The following PCDHA10 variants were observed in gnomAD, a reference collection of about 807,000 sequenced individuals.
The protein encoded by PCDHA10 is protocadherin alpha 10.
PCDHA10 carries 45 observed loss-of-function variants against 61.2 expected under a neutral mutation model. That is an observed-to-expected ratio of 0.74 (90% CI 0.58 to 0.94). The LOEUF (loss-of-function observed/expected upper bound fraction) is 0.94, where lower values mean the gene tolerates loss of function less well. Among genes scored for constraint, PCDHA10 ranks in the 40% least tolerant of loss-of-function variants. The probability of loss-of-function intolerance (pLI) is 0.00; values close to 1 mark genes in which losing one functional copy is unlikely to be tolerated. For synonymous variants in PCDHA10, 602 were observed against 548.8 expected, an observed-to-expected ratio of 1.10 and a Z score of -1.35; for missense variants, 1,278 against 1,236.2, an observed-to-expected ratio of 1.03 and a Z score of -0.51.
Position 140,858,605 on chromosome 5 carries a change from T to A in PCDHA10, c.2388+169T>A, listed in dbSNP as rs553423419. On this transcript the variant is annotated intron_variant, in intron 1 of 3. Coordinates refer to ENST00000307360, the MANE Select transcript of PCDHA10 (RefSeq NM_018901.4). ...ATAATTTATTCCAGGAGTTTTAAAA[T>A]TTTTTTATCCTACCCAGTGTGTCAG... 1.7e-5 allele frequency: 21 copies of A among 1,265,750 alleles called. 2 individuals are homozygous for A. Among genetic ancestry groups the A allele is most frequent in the African/African-American group, 1.5e-4 (10 of 66,840 alleles). 78.4% of individuals were successfully genotyped at this position (1,265,750 alleles called of 1,614,324 possible).
chr5:140,883,530 A>G, intron 1 of PCDHA10: 1 of 1,614,156 alleles, frequency 6.2e-7, no homozygotes. Flanking sequence ...GTATCAGCCT[A>G]TGAACTGGTG....
intron 1 of PCDHA10, among the ~76,000 whole-genome samples, chr5:140,954,686 G>T (rs962904413): frequency 6.6e-6 from 1 of 152,024 alleles, no homozygotes; most frequent in African/African-American, 2.4e-5. Context: ...TTGTCAGATG[G>T]ATAGACTACA....
intron 1 of PCDHA10, among the ~76,000 whole-genome samples, chr5:140,959,348 G>C (rs991931151): frequency 1.3e-5 from 2 of 152,110 alleles, no homozygotes; most frequent in Admixed American, 6.5e-5. Flanking sequence ...GCACTCCAGC[G>C]GGACAACTGA....
At chr5:140,872,652 T>C (rs1185435042) in intron 1 of PCDHA10, among the ~76,000 whole-genome samples, 2 of 152,142 alleles carry the variant, frequency 1.3e-5, no homozygotes, top group Non-Finnish European at 2.9e-5. Context: ...AGGCAAGAGA[T>C]TTGTCAACTA....
intron 1 of PCDHA10, chr5:140,862,689 C>A: frequency 7.2e-6 from 4 of 554,298 alleles, no homozygotes; most frequent in South Asian, 4.1e-5. Context: ...TGGTGTCCTA[C>A]TCGTTGATGG....
intron 1 of PCDHA10, chr5:140,875,466 T>A (rs782683106): frequency 2.4e-5 from 39 of 1,599,908 alleles, no homozygotes; most frequent in Admixed American, 1.2e-4. Flanking sequence ...GGCCCTCATT[T>A]TCTGCAATGG....
chr5:140,926,682 C>T, intron 1 of PCDHA10: 1 of 656,722 alleles, frequency 1.5e-6, no homozygotes, highest in Non-Finnish European at 2.3e-6. Context: ...CAGCCTCCAG[C>T]CTAGCAAGCC....
intron 1 of PCDHA10, chr5:140,870,101 G>C (rs1345689033): frequency 3.1e-6 from 5 of 1,613,914 alleles, no homozygotes; most frequent in Non-Finnish European, 4.2e-6. Context: ...GCAGGTCACT[G>C]TACAGTCTGG....
intron 1 of PCDHA10, among the ~76,000 whole-genome samples, chr5:140,941,369 T>C (rs2093052615): frequency 6.8e-6 from 1 of 147,356 alleles, no homozygotes; most frequent in Non-Finnish European, 1.5e-5. Context: ...TAGGCTGGAG[T>C]GTAGTGACAG....
At chr5:140,948,237 T>C (rs532703710) in intron 1 of PCDHA10, among the ~76,000 whole-genome samples, 1 of 151,810 alleles carries the variant, frequency 6.6e-6, no homozygotes, top group South Asian at 2.1e-4. Flanking sequence ...ACTTGTATTT[T>C]AGTAAATATT....
chr5:140,871,567 AT>A (rs1441824086), intron 1 of PCDHA10: 5 of 1,483,054 alleles, frequency 3.4e-6, no homozygotes, highest in African/African-American at 1.4e-5. Context: ...TTTTTCACGG[AT>A]TTTTTAAGGG....
At chr5:140,970,384 C>T (rs2096401322) in intron 1 of PCDHA10, among the ~76,000 whole-genome samples, 1 of 152,104 alleles carries the variant, frequency 6.6e-6, no homozygotes, top group Admixed American at 6.5e-5. Flanking sequence ...AAAAGGCTGG[C>T]TTGGAAAGTG....
chr5:140,979,020 C>T lies in PCDHA10; in HGVS notation c.2447+13C>T. The T allele has an allele frequency of 6.2e-7, 1 of 1,613,708 alleles. No individual in the cohort carries two copies. Among genetic ancestry groups the T allele is most frequent in the Non-Finnish European group, 8.5e-7 (1 of 1,179,840 alleles). On this transcript the variant is annotated intron_variant, in intron 2 of 3. Transcript: ENST00000307360. ...CAGGCATGCACAGGTATGTATTTCC[C>T]TCCTCATTCACTCAGAAGTAACCTT...
chr5:140,988,445 A>G (rs1554250148), intron 3 of PCDHA10, among the ~76,000 whole-genome samples: 2 of 152,168 alleles, frequency 1.3e-5, no homozygotes, highest in African/African-American at 2.4e-5. Context: ...ATTGACCTGA[A>G]GGGAGGAAGC....
chr5:140,882,020 C>CA, intron 1 of PCDHA10: 1 of 561,726 alleles, frequency 1.8e-6, no homozygotes, highest in East Asian at 3.1e-5. Context: ...AATACTACAT[C>CA]AATGGAAAAT....
In PCDHA10 at chr5:140,856,393, T is replaced by A; in HGVS notation, c.345T>A (p.Val115=). The change falls in exon 1 of 4, where the codon GTT becomes GTA. Residue 115 remains valine, a synonymous_variant. Coordinates refer to ENST00000307360, the MANE Select transcript of PCDHA10 (RefSeq NM_018901.4). ...TGATCGTGGACAGGCCGCTGCAGGT[T>A]TTCCATGTGGACGTGGAAGTGAAGG... ...LEVIVDRPLQ[V]FHVDVEVKDI... The A allele has an allele frequency of 6.3e-7, 1 of 1,598,412 alleles. No individual in the cohort carries two copies. The highest frequency in any genetic ancestry group is 1.3e-5 in the African/African-American group (1 of 74,370).
intron 1 of PCDHA10, chr5:140,883,720 A>C: frequency 6.2e-7 from 1 of 1,613,566 alleles, no homozygotes; most frequent in Non-Finnish European, 8.5e-7. Context: ...ACGCGGACGC[A>C]CAGGAGAACG....
At chr5:140,897,560 T>C (rs1398247980) in intron 1 of PCDHA10, among the ~76,000 whole-genome samples, 1 of 152,200 alleles carries the variant, frequency 6.6e-6, no homozygotes, top group Non-Finnish European at 1.5e-5. Flanking sequence ...GGTGTATATG[T>C]GCCACATTTT....
At chr5:140,871,609 A>G (rs1554165776) in intron 1 of PCDHA10, 1 of 1,428,296 alleles carries the variant, frequency 7.0e-7, no homozygotes, top group East Asian at 2.5e-5. Flanking sequence ...TGTTTTGAAT[A>G]TTGTTTTAGA....
Sources: allele counts gnomAD v4.1 joint callset (sites outside exome capture counted in the v4.1 genomes callset), GRCh38; gene constraint gnomAD v4.1.1; transcripts MANE v1.5; gene names NCBI Gene and HGNC (gene_info 2026-07-23, HGNC 2026-07-21).